Variants in ADGRL3 observed in about 807,000 individuals in gnomAD.
The protein encoded by ADGRL3 is adhesion G protein-coupled receptor L3, also known as calcium-independent alpha-latrotoxin receptor 3.
In ADGRL3, 62 loss-of-function variants were observed where a neutral mutation model predicts 153.5. That is an observed-to-expected ratio of 0.40 (90% CI 0.33 to 0.50). The LOEUF (loss-of-function observed/expected upper bound fraction) is 0.50, where lower values mean the gene tolerates loss of function less well. Ranked by LOEUF, ADGRL3 falls within the 20% of genes least tolerant of loss-of-function variation. ADGRL3 has a pLI of 0.47. For synonymous variants in ADGRL3, 710 were observed against 672.5 expected, an observed-to-expected ratio of 1.06 and a Z score of -0.86; for missense variants, 1,641 against 1,859.4, an observed-to-expected ratio of 0.88 and a Z score of 2.16.
At chr4:61,399,462 C>G (rs1051647715) in intron 2 of ADGRL3, among the ~76,000 whole-genome samples, 2 of 151,526 alleles carry the variant, frequency 1.3e-5, no homozygotes, top group African/African-American at 4.8e-5. Context: ...AAAACAATCC[C>G]AATTTCATCT....
intron 8 of ADGRL3, among the ~76,000 whole-genome samples, chr4:61,780,312 T>G (rs534036972): frequency 6.6e-6 from 1 of 152,208 alleles, no homozygotes; most frequent in East Asian, 1.9e-4. Context: ...TCACCTTGAA[T>G]AGCTGTAATC....
At chr4:61,313,984 G>A (rs1389545467) in intron 1 of ADGRL3, among the ~76,000 whole-genome samples, 2 of 152,096 alleles carry the variant, frequency 1.3e-5, no homozygotes, top group African/African-American at 4.8e-5. Flanking sequence ...AAGGAAAGTG[G>A]AGTACCCAGA....
chr4:61,842,574 T>C (rs2098049230), intron 9 of ADGRL3, among the ~76,000 whole-genome samples: 2 of 152,104 alleles, frequency 1.3e-5, no homozygotes, highest in Non-Finnish European at 2.9e-5. Flanking sequence ...TATCTTCCCC[T>C]GGTAGAAAAA....
At chr4:61,524,725 T>C (rs2098549722) in intron 4 of ADGRL3, among the ~76,000 whole-genome samples, 1 of 152,130 alleles carries the variant, frequency 6.6e-6, no homozygotes, top group Admixed American at 6.6e-5. Context: ...TCCTGAGACC[T>C]AGTAAGTGTT....
chr4:61,993,818 AT>A (rs1256868737), intron 19 of ADGRL3, among the ~76,000 whole-genome samples: 1 of 151,980 alleles, frequency 6.6e-6, no homozygotes, highest in African/African-American at 2.4e-5. Context: ...CAATGTTCAT[AT>A]TTCAACCTTG....
chr4:61,704,489 G>T (rs1221598325), intron 6 of ADGRL3, among the ~76,000 whole-genome samples: 1 of 152,144 alleles, frequency 6.6e-6, no homozygotes, highest in Non-Finnish European at 1.5e-5. Context: ...CAAGCCTTCA[G>T]CTAGTCCTAA....
chr4:61,774,914 G>A (rs1001537736), intron 8 of ADGRL3, among the ~76,000 whole-genome samples: 2 of 152,168 alleles, frequency 1.3e-5, no homozygotes, highest in Middle Eastern at 3.2e-3. Context: ...GGAGACTGCT[G>A]TAGTTAGTAA....
intron 17 of ADGRL3, among the ~76,000 whole-genome samples, chr4:61,956,158 G>A (rs1374796202): frequency 2.0e-5 from 3 of 152,174 alleles, no homozygotes; most frequent in African/African-American, 7.2e-5. Context: ...CACCAATAGT[G>A]TAAAAGTGTT....
intron 5 of ADGRL3, among the ~76,000 whole-genome samples, chr4:61,672,862 A>G (rs2095054702): frequency 6.6e-6 from 1 of 152,034 alleles, no homozygotes; most frequent in Non-Finnish European, 1.5e-5. Flanking sequence ...TCTTAAAGAG[A>G]TATCTGTAGT....
chr4:61,631,266 G>A (rs186354367), intron 5 of ADGRL3, among the ~76,000 whole-genome samples: 62 of 152,284 alleles, frequency 4.1e-4, no homozygotes, highest in African/African-American at 1.5e-3. Context: ...AACCAGTGAT[G>A]TATTAATGAA....
intron 1 of ADGRL3, among the ~76,000 whole-genome samples, chr4:61,207,546 T>A (rs1438147373): frequency 1.3e-5 from 2 of 152,188 alleles, no homozygotes; most frequent in African/African-American, 2.4e-5. Flanking sequence ...TGATTTATAA[T>A]CCTTTGGGTA....
chr4:62,020,505 C>T (rs1470791906), intron 21 of ADGRL3, among the ~76,000 whole-genome samples: 1 of 152,008 alleles, frequency 6.6e-6, no homozygotes, highest in Non-Finnish European at 1.5e-5. Context: ...GGTATGTCAA[C>T]TTGCTAAAAA....
In ADGRL3 at chr4:61,325,676, A is replaced by G. The variant is rs539720239; in HGVS notation, c.-239-57448A>G. ...TAGCTTTATTTTATTTTTTTCTAAC[A>G]TGATAAGTCTTTGTTATCTTTCCTG... On this transcript the variant is annotated intron_variant, in intron 1 of 26. Coordinates refer to ENST00000683033, the MANE Select transcript of ADGRL3 (RefSeq NM_001387552.1). Among the ~76,000 whole-genome samples, 26 of 152,272 alleles carry G rather than the reference A, an allele frequency of 1.7e-4. No individual in the cohort carries two copies. The South Asian group carries it at 5.0e-3, about 29-fold the overall frequency.
intron 2 of ADGRL3, among the ~76,000 whole-genome samples, chr4:61,485,845 A>T (rs1028011842): frequency 6.6e-6 from 1 of 152,034 alleles, no homozygotes. Context: ...TGAAATGCAT[A>T]CTGTAGCTTA....
chr4:61,484,151 G>T (rs2098163978), intron 2 of ADGRL3, among the ~76,000 whole-genome samples: 1 of 151,894 alleles, frequency 6.6e-6, no homozygotes, highest in Non-Finnish European at 1.5e-5. Flanking sequence ...CCTGGAACAT[G>T]ATACGTTGCT....
chr4:61,985,846 T>G (rs2099083428), intron 19 of ADGRL3, among the ~76,000 whole-genome samples: 1 of 151,350 alleles, frequency 6.6e-6, no homozygotes, highest in African/African-American at 2.4e-5. Context: ...TTGTGAATTG[T>G]AATCAAGTCT....
intron 4 of ADGRL3, among the ~76,000 whole-genome samples, chr4:61,540,789 C>A (rs1279068367): frequency 1.3e-5 from 2 of 151,702 alleles, no homozygotes; most frequent in East Asian, 1.9e-4. Flanking sequence ...AAAGAACACA[C>A]AAAAAAAATT....
At chr4:61,696,425 C>A (rs2095643478) in intron 6 of ADGRL3, among the ~76,000 whole-genome samples, 1 of 152,044 alleles carries the variant, frequency 6.6e-6, no homozygotes, top group South Asian at 2.1e-4. Context: ...TGAATTTAAT[C>A]ATCTACTGTA....
intron 4 of ADGRL3, among the ~76,000 whole-genome samples, chr4:61,561,201 T>C (rs1250164871): frequency 6.6e-6 from 1 of 152,188 alleles, no homozygotes. Flanking sequence ...TGGTAGAAGA[T>C]AGAAGAGGAG....
Sources: allele counts gnomAD v4.1 joint callset (sites outside exome capture counted in the v4.1 genomes callset), GRCh38; gene constraint gnomAD v4.1.1; transcripts MANE v1.5; gene names NCBI Gene and HGNC (gene_info 2026-07-23, HGNC 2026-07-21).